Variants in C14orf39 observed in about 807,000 individuals in gnomAD.
C14orf39 encodes the protein protein SIX6OS1.
C14orf39 carries 66 observed loss-of-function variants against 85.6 expected under a neutral mutation model. The ratio of observed to expected loss-of-function variants is 0.77; its 90% CI spans 0.63 to 0.95. The LOEUF (loss-of-function observed/expected upper bound fraction) is 0.95, where lower values mean the gene tolerates loss of function less well. C14orf39 is among the 40% of genes least tolerant of loss of function. The probability of loss-of-function intolerance (pLI) is 0.00; values close to 1 mark genes in which losing one functional copy is unlikely to be tolerated. For missense variants in C14orf39, 735 were observed against 663.9 expected, an observed-to-expected ratio of 1.11 and a Z score of -1.18; for synonymous variants, 242 against 214.0, an observed-to-expected ratio of 1.13 and a Z score of -1.14.
At chr14:60,440,357 T>C (rs1309360956) in intron 17 of C14orf39, among the ~76,000 whole-genome samples, 1 of 152,216 alleles carries the variant, frequency 6.6e-6, no homozygotes, top group Non-Finnish European at 1.5e-5. Flanking sequence ...TTTCTATAAA[T>C]GGCAACTCCA....
rs767502370 is a variant in C14orf39 at position 60,484,899 on chromosome 14, T to C, written c.88A>G (p.Met30Val). 1.3e-6 allele frequency: 2 copies of C among 1,566,906 alleles called. No individual in the cohort carries two copies. Among genetic ancestry groups the C allele is most frequent in the East Asian group, 2.2e-5 (1 of 44,568 alleles). ...YEQDISTKEE[M>V]IQRINKCCED... ...TACTTACTATTAATTCTTTGAATCA[T>C]CTCTTCTTTAGTACTTATGTCTTGC... Residue 30 changes from methionine to valine, a missense_variant, in exon 3 of 18, where the codon ATG becomes GTG. Met to Val is a conservative substitution (Grantham distance 21). Coordinates refer to ENST00000321731, the MANE Select transcript of C14orf39 (RefSeq NM_174978.3). This position sits in a 1 kb window ranked among gnomAD's most constrained non-coding sequence, Gnocchi z 4.2.
chr14:60,496,189 G>A, intron 2 of C14orf39: 1 of 438,148 alleles, frequency 2.3e-6, no homozygotes, highest in Non-Finnish European at 4.6e-6. Flanking sequence ...GTGAGTACAG[G>A]AGATTCACAT....
intron 1 of C14orf39, among the ~76,000 whole-genome samples, chr14:60,504,257 T>G (rs1018532): frequency 0.63 from 96,005 of 152,146 alleles, 31,334 homozygotes; most frequent in Admixed American, 0.71. Flanking sequence ...CTCAAAGAAT[T>G]TAAGGTATTT....
intron 16 of C14orf39, among the ~76,000 whole-genome samples, chr14:60,445,210 T>C (rs1233972217): frequency 3.3e-5 from 5 of 151,922 alleles, no homozygotes; most frequent in South Asian, 4.2e-4. Flanking sequence ...AATTCAAACA[T>C]AACAATATTA....
At chr14:60,447,739 A>G (rs1890841082) in intron 16 of C14orf39, among the ~76,000 whole-genome samples, 1 of 152,224 alleles carries the variant, frequency 6.6e-6, no homozygotes, top group African/African-American at 2.4e-5. Flanking sequence ...TAGCCAAGAC[A>G]ATCTTAAGCA....
intron 5 of C14orf39, among the ~76,000 whole-genome samples, chr14:60,476,595 A>G (rs1047051192): frequency 6.6e-6 from 1 of 152,244 alleles, no homozygotes; most frequent in African/African-American, 2.4e-5. Flanking sequence ...ACCTTCAGTT[A>G]GCTCACAGAA....
At chr14:60,460,870 A>C (rs954506267) in intron 13 of C14orf39, among the ~76,000 whole-genome samples, 2 of 151,850 alleles carry the variant, frequency 1.3e-5, no homozygotes, top group Non-Finnish European at 2.9e-5. Context: ...GGCATTATTT[A>C]TAATAGTAAA....
chr14:60,489,549 T>TG (rs569402915), upstream of C14orf39, among the ~76,000 whole-genome samples: 48 of 152,294 alleles, frequency 3.2e-4, no homozygotes, highest in South Asian at 1.0e-2. Flanking sequence ...CCTACTTAAA[T>TG]CTTCATTAAT....
rs564977162 is a variant in C14orf39, at chr14:60,454,369, TATG to T, written c.1503+629_1503+631del. Among the ~76,000 whole-genome samples, 225 of 152,078 alleles carry T rather than the reference TATG, an allele frequency of 1.5e-3. 1 individual carries two copies. The highest frequency in any genetic ancestry group is 5.1e-3 in the African/African-American group (212 of 41,556). ...TATAAACTCTAATACTCACAAACCCTATGATAATAGTTATTATTTCATTTTACA... is the reference window on the plus strand; with the variant it reads ...TATAAACTCTAATACTCACAAACCCTATAATAGTTATTATTTCATTTTACA... On this transcript the variant is annotated intron_variant, in intron 16 of 17. Transcript: ENST00000321731.
At chr14:60,496,612 A>T (rs1463765509) in intron 2 of C14orf39, 1 of 158,636 alleles carries the variant, frequency 6.3e-6, no homozygotes, top group African/African-American at 2.4e-5. Context: ...TTTTTGTACA[A>T]TTTTTCTTAT....
At position 60,484,133 on chromosome 14, in the gene C14orf39, A is replaced by G. The variant is rs1282443192; in HGVS notation, c.107-316T>C. On this transcript the variant is annotated intron_variant, in intron 3 of 17. Coordinates refer to ENST00000321731, the MANE Select transcript of C14orf39 (RefSeq NM_174978.3). The surrounding 1 kb of genome is among the most constrained non-coding windows in gnomAD (Gnocchi z 4.2). ...GTCAATCGTATCTTAAGATGCTATG[A>G]ATTCTTGCAAACATTTATTCGTTAA... is the stretch of plus-strand genomic sequence containing the variant. Among the ~76,000 whole-genome samples, 1 of 151,398 alleles carries G rather than the reference A, an allele frequency of 6.6e-6. No individual in the cohort carries two copies. The highest frequency in any genetic ancestry group is 2.4e-5 in the African/African-American group (1 of 41,418).
At chr14:60,449,223 C>G (rs1890925470) in intron 16 of C14orf39, among the ~76,000 whole-genome samples, 1 of 152,026 alleles carries the variant, frequency 6.6e-6, no homozygotes, top group Admixed American at 6.5e-5. Context: ...TAATCAAACC[C>G]AATTATTTTC....
chr14:60,512,181 T>C lies in C14orf39; in HGVS notation c.-144+3214A>G, dbSNP rs183013502. 3 of 152,374 alleles carry C rather than the reference T, an allele frequency of 2.0e-5. No homozygotes were observed. In the East Asian group the frequency reaches 5.8e-4, roughly 29 times the overall value. The allele number at this position is 152,374 out of a possible 1,614,324, so 9.4% of individuals were successfully genotyped here. A position where few individuals can be genotyped will look rare whatever the true frequency, so the allele number is the denominator to read the frequency against. ...ATGGCTTGTCCACTTGACACTCGTTTACATGAAGTGTCAACAGCTTTCAGG... is the reference window on the plus strand; with the variant it reads ...ATGGCTTGTCCACTTGACACTCGTTCACATGAAGTGTCAACAGCTTTCAGG... On this transcript the variant is annotated intron_variant, in intron 1 of 5. Transcript: ENST00000556799.
intron 16 of C14orf39, among the ~76,000 whole-genome samples, chr14:60,446,062 A>G (rs556651513): frequency 7.2e-5 from 11 of 152,294 alleles, no homozygotes; most frequent in Non-Finnish European, 1.2e-4. Flanking sequence ...CGTTTAAAGC[A>G]GTGTGTAGAG....
At chr14:60,460,296 T>C (rs1455910675) in intron 13 of C14orf39, among the ~76,000 whole-genome samples, 1 of 151,818 alleles carries the variant, frequency 6.6e-6, no homozygotes. Context: ...TCTAACACTC[T>C]GTCAGTTTGG....
intron 13 of C14orf39, among the ~76,000 whole-genome samples, chr14:60,458,955 C>G (rs554300508): frequency 6.6e-6 from 1 of 151,582 alleles, no homozygotes; most frequent in Admixed American, 6.6e-5. Flanking sequence ...TGTTTCTTTA[C>G]CCAGGGAAAG....
chr14:60,511,267 A>T, intron 1 of C14orf39: 1 of 1,612,886 alleles, frequency 6.2e-7, no homozygotes, highest in Non-Finnish European at 8.5e-7. Context: ...CCCATCCAGG[A>T]TGCTCAGAAG....
intron 17 of C14orf39, among the ~76,000 whole-genome samples, chr14:60,440,956 C>T (rs758883779): frequency 1.5e-4 from 23 of 152,132 alleles, no homozygotes; most frequent in East Asian, 3.8e-4. Flanking sequence ...CCTTGCAATA[C>T]GGCAATCACC....
intron 15 of C14orf39, among the ~76,000 whole-genome samples, 194 bp from the exon 16 acceptor site, chr14:60,455,339 C>T (rs974075674): frequency 2.0e-5 from 3 of 151,920 alleles, no homozygotes; most frequent in Admixed American, 6.6e-5. Context: ...TTAAATAAGG[C>T]ATAACTTACT....
Sources: allele counts gnomAD v4.1 joint callset (sites outside exome capture counted in the v4.1 genomes callset), GRCh38; gene constraint gnomAD v4.1.1; non-coding constraint Gnocchi (gnomAD v3.1); transcripts MANE v1.5; gene names NCBI Gene and HGNC (gene_info 2026-07-23, HGNC 2026-07-21).